Variants in ACTA2 observed in about 807,000 individuals in gnomAD.
ACTA2 encodes the protein actin, aortic smooth muscle.
ACTA2 carries 12 observed loss-of-function variants against 39.5 expected under a neutral mutation model. The ratio of observed to expected loss-of-function variants is 0.30; its 90% confidence interval spans 0.19 to 0.49. The LOEUF (loss-of-function observed/expected upper bound fraction) is 0.49. ACTA2 is among the 20% of genes least tolerant of loss of function. The pLI, the probability that ACTA2 is intolerant of heterozygous loss-of-function variation, is 0.99. For missense variants in ACTA2, 236 were observed against 498.8 expected (o/e 0.47, Z 5.02); for synonymous variants, 158 against 180.6 (o/e 0.88, Z 1.00).
intron 7 of ACTA2, among the ~76,000 whole-genome samples, chr10:88,939,062 A>T (rs1169472496): frequency 1.3e-5 from 2 of 152,106 alleles, no homozygotes; most frequent in Admixed American, 6.6e-5. Flanking sequence ...TAAGACTGAA[A>T]CCCAGGCTCA....
At chr10:88,976,503 C>G (rs1846568144) in intron 1 of ACTA2, among the ~76,000 whole-genome samples, 1 of 152,182 alleles carries the variant, frequency 6.6e-6, no homozygotes, top group Admixed American at 6.5e-5. Flanking sequence ...AATAGTCCTT[C>G]CATTGTACTG....
At chr10:88,938,369 GAAC>G (rs1179214194) in intron 7 of ACTA2, 127 bp from the exon 8 acceptor site, 16 of 1,057,044 alleles carry the variant, frequency 1.5e-5, no homozygotes, top group Non-Finnish European at 1.9e-5. Context: ...AATAATCTAG[GAAC>G]CACCTGTCTG....
intron 3 of ACTA2, among the ~76,000 whole-genome samples, chr10:88,944,249 C>T (rs1845907531): frequency 6.6e-6 from 1 of 152,094 alleles, no homozygotes; most frequent in African/African-American, 2.4e-5. Context: ...GTTTTTAACC[C>T]TTCTCAGCTT....
chr10:88,987,585 C>T (rs1846941021), intron 1 of ACTA2, among the ~76,000 whole-genome samples: 1 of 152,224 alleles, frequency 6.6e-6, no homozygotes. Flanking sequence ...ATTTCTACTT[C>T]AAATCCAATG....
At chr10:88,968,307 C>A (rs971140510) in intron 1 of ACTA2, among the ~76,000 whole-genome samples, 1 of 152,120 alleles carries the variant, frequency 6.6e-6, no homozygotes, top group Non-Finnish European at 1.5e-5. Context: ...TATTTTGTAG[C>A]CAGCATATGT....
At chr10:88,984,800 C>A (rs1846827554) in intron 1 of ACTA2, among the ~76,000 whole-genome samples, 1 of 152,194 alleles carries the variant, frequency 6.6e-6, no homozygotes, top group Non-Finnish European at 1.5e-5. Context: ...TTCTCACCTT[C>A]AGACCTGATC....
chr10:88,975,421 G>GT (rs1454989943), intron 1 of ACTA2, among the ~76,000 whole-genome samples: 8 of 152,122 alleles, frequency 5.3e-5, no homozygotes, highest in Non-Finnish European at 1.0e-4. Context: ...GAAAGTGTTT[G>GT]TTTTTTTCTT....
rs1847156556 is a variant in ACTA2, at chr10:88,991,022, C to A, written c.-107G>T. Reference sequence around the variant, plus strand: ...CGGCGGCAGCGGCGCACGCGGGCACCTGGGAGCGGCGGGCTGCTGCGGGAG... The same window carrying A: ...CGGCGGCAGCGGCGCACGCGGGCACATGGGAGCGGCGGGCTGCTGCGGGAG... On this transcript the variant is annotated 5_prime_UTR_variant, in exon 1 of 5. Coordinates refer to the ACTA2 transcript ENST00000415557. 2.1e-6 allele frequency: 3 copies of A among 1,431,306 alleles called. No homozygotes were observed. The East Asian group carries it at 7.1e-5, about 34-fold the overall frequency. The allele number at this position is 1,431,306 out of a possible 1,614,324, so 88.7% of individuals were successfully genotyped here.
intron 1 of ACTA2, among the ~76,000 whole-genome samples, chr10:88,949,160 T>G (rs940216154): frequency 6.6e-6 from 1 of 152,228 alleles, no homozygotes; most frequent in South Asian, 2.1e-4. Flanking sequence ...CTTCTGAAAC[T>G]CTGACTTCTA....
chr10:88,941,181 T>C (rs1482596723), intron 6 of ACTA2, 48 bp downstream of exon 6: 1 of 1,610,060 alleles, frequency 6.2e-7, no homozygotes, highest in African/African-American at 1.3e-5. Context: ...TGGAAGTTAC[T>C]GAGCAACACA....
At chr10:88,980,285 G>A (rs1163103016) in intron 1 of ACTA2, among the ~76,000 whole-genome samples, 2 of 152,114 alleles carry the variant, frequency 1.3e-5, no homozygotes, top group Non-Finnish European at 2.9e-5. Context: ...TCTGGGAAGA[G>A]GTGATGGTTG....
intron 1 of ACTA2, among the ~76,000 whole-genome samples, chr10:88,983,825 G>A (rs1292897875): frequency 6.6e-6 from 1 of 152,126 alleles, no homozygotes; most frequent in African/African-American, 2.4e-5. Flanking sequence ...CCCATTGAAT[G>A]ACTTGGAAAT....
chr10:88,938,043 T>G lies in ACTA2; in HGVS notation c.990+18A>C. ...CACTGCTGGCGGCATTGCCACTGGG[T>G]CTGTCACTGAACAGTACCTTGATCT... On this transcript the variant is annotated intron_variant, in intron 8 of 8. Transcript: ENST00000224784. The G allele has an allele frequency of 6.2e-7, 1 of 1,613,764 alleles. No homozygotes were observed. The highest frequency in any genetic ancestry group is 2.2e-5 in the East Asian group (1 of 44,820).
At chr10:88,989,641 C>T (rs1739157875) in intron 1 of ACTA2, 1 of 507,370 alleles carries the variant, frequency 2.0e-6, no homozygotes, top group Non-Finnish European at 3.9e-6. Context: ...GGTAACCTAA[C>T]CTAGATTTGA....
At chr10:88,971,912 C>CTTT (rs547839484) in intron 1 of ACTA2, among the ~76,000 whole-genome samples, 1 of 139,984 alleles carries the variant, frequency 7.1e-6, no homozygotes, top group Non-Finnish European at 1.6e-5. Flanking sequence ...AAGGGGACTA[C>CTTT]TTTTTTTTTT....
intron 5 of ACTA2, 79 bp from the exon 6 acceptor site, chr10:88,941,469 G>A: frequency 6.4e-7 from 1 of 1,567,184 alleles, no homozygotes; most frequent in East Asian, 2.3e-5. Context: ...GGGAAGCCTT[G>A]GGGGAGAGGG....
intron 8 of ACTA2, 169 bp from the exon 9 acceptor site, chr10:88,935,535 A>G: frequency 1.4e-6 from 1 of 702,496 alleles, no homozygotes; most frequent in Non-Finnish European, 2.4e-6. Flanking sequence ...TGTTCTTGGC[A>G]GGACCGCCAG....
chr10:88,939,390 T>G, intron 7 of ACTA2, 117 bp downstream of exon 7: 1 of 1,374,976 alleles, frequency 7.3e-7, no homozygotes, highest in Non-Finnish European at 1.0e-6. Context: ...CTTTTTCTGG[T>G]TTAGAAATGC....
At chr10:88,962,963 AT>A (rs1424150026) in intron 1 of ACTA2, among the ~76,000 whole-genome samples, 29 of 32,808 alleles carry the variant, frequency 8.8e-4, no homozygotes, top group South Asian at 1.6e-3. Flanking sequence ...ATATATATAT[AT>A]ATATATATAT....
Sources: gnomAD v4.1 joint callset for allele counts (sites outside exome capture counted in the v4.1 genomes callset) on GRCh38, gnomAD v4.1.1 for gene constraint, MANE v1.5 for transcripts, NCBI Gene and HGNC (gene_info 2026-07-23, HGNC 2026-07-21) for gene names.